NRAP: variants seen among roughly 807,000 people sequenced by gnomAD.
NRAP encodes nebulin-related-anchoring protein.
A neutral mutation model predicts 225.9 loss-of-function variants in NRAP; 189 were observed. That is an observed-to-expected ratio of 0.84 (90% CI 0.74 to 0.94). The LOEUF (loss-of-function observed/expected upper bound fraction) is 0.94, where lower values mean the gene tolerates loss of function less well. NRAP is among the 40% of genes least tolerant of loss of function. The pLI, the probability that NRAP is intolerant of heterozygous loss-of-function variation, is 0.00. For missense variants in NRAP, 2,176 were observed against 2,168.7 expected (o/e 1.00, Z -0.07); for synonymous variants, 769 against 790.7 (o/e 0.97, Z 0.46).
chr10:113,645,997 G>A, intron 10 of NRAP, 56 bp from the exon 11 acceptor site: 1 of 871,096 alleles, frequency 1.1e-6, no homozygotes, highest in South Asian at 1.8e-5. Context: ...CTCTGGGAGG[G>A]GAATTACTCC....
intron 10 of NRAP, among the ~76,000 whole-genome samples, chr10:113,646,499 A>G (rs2134128183): frequency 6.6e-6 from 1 of 152,354 alleles, no homozygotes; most frequent in East Asian, 1.9e-4. Flanking sequence ...TCCAAGTTTA[A>G]TTATACCCTG....
intron 30 of NRAP, among the ~76,000 whole-genome samples, 187 bp from the exon 31 acceptor site, chr10:113,610,750 G>T (rs1254681922): frequency 1.3e-5 from 2 of 152,102 alleles, no homozygotes; most frequent in Non-Finnish European, 2.9e-5. Context: ...ATGCTCACTA[G>T]GGGGGAAGCA....
chr10:113,650,589 G>C, intron 7 of NRAP, 44 bp from the exon 8 acceptor site: 3 of 1,297,176 alleles, frequency 2.3e-6, no homozygotes, highest in Non-Finnish European at 3.4e-6. Flanking sequence ...ATGTTTATCA[G>C]ATGATCTTAG....
Position 113,615,736 on chromosome 10 carries a change from CT to C in NRAP, c.3053del (p.Lys1018SerfsTer2). On this transcript the variant is annotated frameshift_variant, in exon 27 of 42. Coordinates refer to ENST00000359988, the MANE Select transcript of NRAP (RefSeq NM_198060.4). LOFTEE classifies it high-confidence loss of function. ...TADLPEVLLA[K>X]LNAMNISETR... ...CCTCACTGATATTCATGGCATTCAG[CT>C]TGGCCAGCAGGACTTCAGGGAGGTC... is the stretch of plus-strand genomic sequence containing the variant. 1 of 1,609,176 alleles carries C rather than the reference CT, an allele frequency of 6.2e-7. No homozygotes were observed.
At chr10:113,614,715 GAC>G (rs1383239341) in intron 28 of NRAP, 122 bp downstream of exon 28, 2 of 672,974 alleles carry the variant, frequency 3.0e-6, no homozygotes, top group African/African-American at 3.6e-5. Context: ...TGATTGCCCT[GAC>G]ACAGTCAGTT....
At chr10:113,655,031 G>A (rs935395579) in intron 4 of NRAP, among the ~76,000 whole-genome samples, 4 of 152,192 alleles carry the variant, frequency 2.6e-5, no homozygotes. Context: ...GGGCAAGTTG[G>A]ACAGGTTGGA....
In NRAP at chr10:113,641,789, TG is replaced by T. The variant is rs752418888; in HGVS notation, c.1216-318del. Among the ~76,000 whole-genome samples, 15 of 152,302 alleles carry T rather than the reference TG, an allele frequency of 9.8e-5. No homozygotes were observed. In the East Asian group the frequency reaches 2.9e-3, roughly 29 times the overall value. ...TTAAATTTACCAGATTTTTCCAATG[TG>T]AAAATTTACCATGAGACAGTGGCAG... On this transcript the variant is annotated intron_variant, in intron 12 of 41. Coordinates refer to ENST00000359988, the MANE Select transcript of NRAP (RefSeq NM_198060.4).
intron 4 of NRAP, among the ~76,000 whole-genome samples, chr10:113,654,554 C>T (rs895801862): frequency 6.9e-6 from 1 of 144,944 alleles, no homozygotes; most frequent in Non-Finnish European, 1.5e-5. Context: ...TTTTAAGATA[C>T]TCATGACCTA....
rs750685195 is a variant in NRAP at position 113,597,112 on chromosome 10, T to G, written c.4405A>C (p.Lys1469Gln). The G allele has an allele frequency of 1.9e-6, 3 of 1,613,636 alleles. No homozygotes were observed. The South Asian group carries it at 3.3e-5, about 18-fold the overall frequency. The part of the protein sequence containing the change: ...VVDSPDLVHA[K>Q]NSYMHCNERM... ...TCATTGCAGTGCATATAGCTGTTCT[T>G]GGCATGAACCAGGTCTGGGGAGTCA... Residue 1469 changes from lysine (K) to glutamine (Q), a missense_variant, in exon 37 of 42, where the codon AAG (lysine) becomes CAG (glutamine). Lys to Gln is a moderately conservative substitution (Grantham distance 53, BLOSUM62 1). Transcript: ENST00000359988.
intron 26 of NRAP, among the ~76,000 whole-genome samples, chr10:113,616,805 T>A (rs1459590131): frequency 6.6e-6 from 1 of 152,192 alleles, no homozygotes; most frequent in Non-Finnish European, 1.5e-5. Flanking sequence ...TCCATGGGTA[T>A]CTCTTAGCAG....
intron 3 of NRAP, among the ~76,000 whole-genome samples, chr10:113,658,167 T>C (rs1260362234): frequency 6.6e-6 from 1 of 152,216 alleles, no homozygotes; most frequent in African/African-American, 2.4e-5. Flanking sequence ...ACCATATACG[T>C]GCAGCCCTAT....
intron 4 of NRAP, among the ~76,000 whole-genome samples, chr10:113,655,434 G>A (rs1485158989): frequency 6.8e-6 from 1 of 147,004 alleles, no homozygotes; most frequent in African/African-American, 2.5e-5. Context: ...CAATAGGATA[G>A]TATGGTATTG....
rs79385208 is a variant in NRAP at position 113,644,872 on chromosome 10, C to T, written c.1110+953G>A. 1.8e-4 allele frequency among the ~76,000 whole-genome samples: 28 copies of T among 152,230 alleles called. No individual in the cohort carries two copies. The East Asian group carries it at 4.4e-3, about 24-fold the overall frequency. On this transcript the variant is annotated intron_variant, in intron 11 of 41. Transcript: ENST00000359988. ...TGCTTTGAATTGCCATAATTGTTCCCGTTGCCAGAGGCTGCCAAGTCAAAT... is the reference window on the plus strand; with the variant it reads ...TGCTTTGAATTGCCATAATTGTTCCTGTTGCCAGAGGCTGCCAAGTCAAAT...
rs565446016 is a variant in NRAP, at chr10:113,650,621, C to T, written c.676-76G>A. The T allele has an allele frequency of 6.2e-5, 60 of 973,584 alleles. 1 individual carries two copies. The South Asian group carries it at 6.9e-4, about 11-fold the overall frequency. The allele number at this position is 973,584 out of a possible 1,614,324, so 60.3% of individuals were successfully genotyped here. On this transcript the variant is annotated intron_variant, in intron 7 of 41. Transcript: ENST00000359988. Reference sequence around the variant, plus strand: ...TTAGTGAGATGCTCTGCTAAGGGTTCCATGACATCCTGCCCATCTCCTGTC... The same window carrying T: ...TTAGTGAGATGCTCTGCTAAGGGTTTCATGACATCCTGCCCATCTCCTGTC...
chr10:113,629,291 T>G (rs1848450086), intron 19 of NRAP, among the ~76,000 whole-genome samples: 1 of 151,692 alleles, frequency 6.6e-6, no homozygotes, highest in South Asian at 2.1e-4. Flanking sequence ...GCCTTTTTTT[T>G]GCCAACCTGC....
intron 10 of NRAP, among the ~76,000 whole-genome samples, chr10:113,646,238 C>A (rs953148262): frequency 6.6e-6 from 1 of 152,160 alleles, no homozygotes; most frequent in Non-Finnish European, 1.5e-5. Context: ...ACCCATTCTG[C>A]CCTTGGTTTA....
intron 40 of NRAP, 80 bp downstream of exon 40, chr10:113,590,498 A>G (rs745309187): frequency 1.4e-5 from 19 of 1,401,348 alleles, no homozygotes; most frequent in Non-Finnish European, 1.7e-5. Context: ...GAAGCTAACA[A>G]TGGAACGTGG....
chr10:113,640,783 T>C (rs570795231), intron 13 of NRAP, among the ~76,000 whole-genome samples: 26 of 152,302 alleles, frequency 1.7e-4, no homozygotes, highest in African/African-American at 6.0e-4. Context: ...TAAGTGTCCT[T>C]TACCTCCAGG....
Position 113,663,334 on chromosome 10 carries a change from G to T in NRAP, c.167+18C>A, listed in dbSNP as rs138417904. 2.2e-4 allele frequency: 311 copies of T among 1,424,902 alleles called. 1 individual carries two copies. The African/African-American group carries it at 4.1e-3, about 19-fold the overall frequency. The allele number at this position is 1,424,902 out of a possible 1,614,324, so 88.3% of individuals were successfully genotyped here. A position where few individuals can be genotyped will look rare whatever the true frequency, so the allele number is the denominator to read the frequency against. On this transcript the variant is annotated intron_variant, in intron 2 of 41. Transcript: ENST00000359988. ...AAATAAAACTCAAGAGGTAGTGGTG[G>T]GGGCATCAAACACTTACGCGTGACA...
Sources: allele counts gnomAD v4.1 joint callset (sites outside exome capture counted in the v4.1 genomes callset), GRCh38; gene constraint gnomAD v4.1.1; transcripts MANE v1.5; gene names NCBI Gene and HGNC (gene_info 2026-07-23, HGNC 2026-07-21).